The following DCLRE1C variants were observed in gnomAD, a reference collection of about 807,000 sequenced individuals.
DCLRE1C encodes DNA cross-link repair 1C.
In DCLRE1C, 47 loss-of-function variants were observed where a neutral mutation model predicts 61.4. The observed-to-expected ratio is 0.77, with a 90% CI of 0.61 to 0.98. DCLRE1C has a LOEUF of 0.98. Ranked by LOEUF, DCLRE1C falls within the 50% of genes least tolerant of loss-of-function variation. DCLRE1C has a pLI of 0.00. For missense variants in DCLRE1C, 858 were observed against 816.0 expected, an observed-to-expected ratio of 1.05 and a Z score of -0.63; for synonymous variants, 337 against 287.6, an observed-to-expected ratio of 1.17 and a Z score of -1.74.
rs145186719 is a variant in DCLRE1C, at chr10:14,950,133, G to A, written c.110-1046C>T. Among the ~76,000 whole-genome samples the A allele has an allele frequency of 2.4e-3, 363 of 152,144 alleles. 1 individual carries two copies. The highest frequency in any genetic ancestry group is 8.2e-3 in the African/African-American group (341 of 41,512). On this transcript the variant is annotated intron_variant, in intron 1 of 13. Coordinates refer to ENST00000378278, the MANE Select transcript of DCLRE1C (RefSeq NM_001033855.3). ...AGGCAGGCGGATCACCTGAGGTTGG[G>A]AGTTCGAGACCAGCCTGACCAATAC...
chr10:14,914,244 C>G (rs774106580), intron 13 of DCLRE1C, among the ~76,000 whole-genome samples: 7 of 152,130 alleles, frequency 4.6e-5, no homozygotes, highest in Non-Finnish European at 1.0e-4. Flanking sequence ...TCAAATGGCT[C>G]TAGTAGATTG....
rs551850536 is a variant in DCLRE1C at position 14,927,019 on chromosome 10, G to A, written c.918-122C>T. The stretch of plus-strand genomic sequence containing the variant: ...CCACTCTAATGGGCTCGCTTCAGCA[G>A]CAAGTGTCGAAATCACCCTAAATCA... On this transcript the variant is annotated intron_variant, in intron 10 of 13. Coordinates refer to ENST00000378278, the MANE Select transcript of DCLRE1C (RefSeq NM_001033855.3). The A allele has an allele frequency of 6.4e-6, 5 of 780,352 alleles. No individual in the cohort carries two copies. In the East Asian group the frequency reaches 8.2e-5, roughly 13 times the overall value. The allele number at this position is 780,352 out of a possible 1,614,324, so 48.3% of individuals were successfully genotyped here. A position where few individuals can be genotyped will look rare whatever the true frequency, so the allele number is the denominator to read the frequency against.
chr10:14,950,253 T>C (rs1018354462), intron 1 of DCLRE1C, among the ~76,000 whole-genome samples: 2 of 151,504 alleles, frequency 1.3e-5, no homozygotes, highest in Non-Finnish European at 1.5e-5. Flanking sequence ...GATAGGAGAA[T>C]TGCTTGAACC....
Position 14,934,744 on chromosome 10 carries a change from T to A in DCLRE1C, c.496A>T (p.Thr166Ser). ...TAAAATCTTGGATCACAGAACGTAG[T>A]ATCCAAATATACACTTTGGATGTCT... Reference protein sequence around the residue: ...VKDIQSVYLDTTFCDPRFYQI... With the variant: ...VKDIQSVYLDSTFCDPRFYQI... Residue 166 changes from threonine to serine, a missense_variant, in exon 7 of 14, where the codon ACT (threonine) becomes TCT (serine). Thr to Ser is a moderately conservative substitution (Grantham distance 58). Transcript: ENST00000378278. 6.2e-7 allele frequency: 1 copy of A among 1,613,872 alleles called. No individual in the cohort carries two copies. The highest frequency in any genetic ancestry group is 8.5e-7 in the Non-Finnish European group (1 of 1,179,728).
downstream of DCLRE1C, chr10:14,903,603 AATT>A (rs1834164048): frequency 6.6e-6 from 1 of 152,136 alleles, no homozygotes; most frequent in Non-Finnish European, 1.5e-5. Flanking sequence ...TGTGTGCCTG[AATT>A]ATTAGACCTT....
chr10:14,899,763 C>T (rs1181220189), downstream of DCLRE1C: 2 of 1,494,776 alleles, frequency 1.3e-6, no homozygotes, highest in Middle Eastern at 1.8e-4. Context: ...AGAATAATTC[C>T]CTTTAAACTA....
At chr10:14,899,071 G>A in exon 14 of DCLRE1C, 1 of 602,616 alleles carries the variant, frequency 1.7e-6, no homozygotes, top group Non-Finnish European at 3.0e-6. Context: ...GTTAATCCCA[G>A]CACTTGGGGA....
chr10:14,899,940 C>T (rs113382182), downstream of DCLRE1C, among the ~76,000 whole-genome samples: 1,099 of 152,214 alleles, frequency 7.2e-3, 17 homozygotes, highest in African/African-American at 0.025. Context: ...TTTAAACTTT[C>T]TAGTAACTTT....
rs542719569 is a variant in DCLRE1C, at chr10:14,949,028, T to G, written c.161+8A>C. 45 of 1,602,626 alleles carry G rather than the reference T, an allele frequency of 2.8e-5. No homozygotes were observed. In the East Asian group the frequency reaches 9.1e-4, roughly 33 times the overall value. Reference sequence around the variant, plus strand: ...TTGCTTAAAAACACAAGTAGCAAAATAAATTACCTGCACTCCAACCTTCTT... The same window carrying G: ...TTGCTTAAAAACACAAGTAGCAAAAGAAATTACCTGCACTCCAACCTTCTT... On this transcript the variant is annotated splice_region_variant and intron_variant, in intron 2 of 13. Transcript: ENST00000378278.
At chr10:14,926,815 G>C (rs893576489) in intron 11 of DCLRE1C, 28 bp downstream of exon 11, 2 of 1,590,714 alleles carry the variant, frequency 1.3e-6, no homozygotes, top group Non-Finnish European at 8.6e-7. Flanking sequence ...TGAGCGATAA[G>C]GGTTATGAGT....
Position 14,926,875 on chromosome 10 carries a change from C to A in DCLRE1C, c.940G>T (p.Ala314Ser), listed in dbSNP as rs771666297. 2 of 1,613,438 alleles carry A rather than the reference C, an allele frequency of 1.2e-6. No individual in the cohort carries two copies. The highest frequency in any genetic ancestry group is 1.3e-5 in the African/African-American group (1 of 74,870). The change falls in exon 11 of 14, where the codon GCT (alanine) becomes TCT (serine). Residue 314 changes from alanine to serine, a missense_variant. Physicochemically the swap from Ala to Ser is moderately conservative, Grantham distance 99. Around this residue, in one of 2 missense-constraint regions of DCLRE1C, gnomAD observed 843 missense variants for 783.5 expected, o/e 1.08. Transcript: ENST00000378278. ...IVRTGESSYR[A>S]CFSFHSSYSE... ...TAGGAGGAGTGAAAAGAAAAACAAG[C>A]TCTGTATGAACTCTCTCCAGTCCTA...
At chr10:14,932,568 G>A (rs556393219) in intron 9 of DCLRE1C, among the ~76,000 whole-genome samples, 13 of 152,122 alleles carry the variant, frequency 8.5e-5, no homozygotes, top group Non-Finnish European at 1.3e-4. Flanking sequence ...CCCAGGGGGC[G>A]GAGCTTGCAG....
At chr10:14,912,717 T>C (rs761624360) in intron 13 of DCLRE1C, among the ~76,000 whole-genome samples, 10 of 152,120 alleles carry the variant, frequency 6.6e-5, no homozygotes, top group African/African-American at 9.7e-5. Flanking sequence ...TGAGACAGAG[T>C]CTCGCTCTGT....
At chr10:14,898,292 C>T (rs769187063) in exon 14 of DCLRE1C, 6 of 136,326 alleles carry the variant, frequency 4.4e-5, no homozygotes, top group Admixed American at 8.1e-5. Flanking sequence ...CAAGGTCACA[C>T]AGGTCACATA....
chr10:14,918,030 G>A (rs1836490429), intron 13 of DCLRE1C, among the ~76,000 whole-genome samples: 1 of 152,192 alleles, frequency 6.6e-6, no homozygotes, highest in Non-Finnish European at 1.5e-5. Context: ...TGGCAACGAT[G>A]TGGAGCAACT....
intron 13 of DCLRE1C, among the ~76,000 whole-genome samples, chr10:14,915,061 C>A (rs1437368125): frequency 2.0e-5 from 3 of 151,576 alleles, no homozygotes; most frequent in Non-Finnish European, 4.4e-5. Context: ...TCTAAATAAC[C>A]CATGTGTCAA....
chr10:14,912,371 C>G (rs555209852), intron 13 of DCLRE1C, among the ~76,000 whole-genome samples: 1 of 152,072 alleles, frequency 6.6e-6, no homozygotes, highest in South Asian at 2.1e-4. Flanking sequence ...TTTAAGCTAC[C>G]TAGTATGTGT....
At chr10:14,927,989 A>G in intron 10 of DCLRE1C, 27 bp downstream of exon 10, 2 of 1,612,538 alleles carry the variant, frequency 1.2e-6, no homozygotes, top group Non-Finnish European at 1.7e-6. Context: ...AGTTTCTCTC[A>G]GAAGACCTAT....
intron 12 of DCLRE1C, 52 bp from the exon 13 acceptor site, chr10:14,919,884 G>A: frequency 7.0e-7 from 1 of 1,421,880 alleles, no homozygotes; most frequent in Non-Finnish European, 9.9e-7. Context: ...TTGTTAGAAG[G>A]TAGACATCAT....
Sources: gnomAD v4.1 joint callset for allele counts (sites outside exome capture counted in the v4.1 genomes callset) on GRCh38, gnomAD v4.1.1 for gene constraint, gnomAD v4.1.1 regional missense constraint, MANE v1.5 for transcripts, NCBI Gene and HGNC (gene_info 2026-07-23, HGNC 2026-07-21) for gene names.